Variants in TNS4 observed in about 807,000 individuals in gnomAD.
The protein encoded by TNS4 is tensin 4.
TNS4 carries 46 observed loss-of-function variants against 70.4 expected under a neutral mutation model. That is an observed-to-expected ratio of 0.65 (90% CI 0.52 to 0.84). The LOEUF is 0.84. TNS4 is among the 40% of genes least tolerant of loss of function. TNS4 has a pLI of 0.00. For missense variants in TNS4, 863 were observed against 907.0 expected (o/e 0.95, Z 0.62); for synonymous variants, 390 against 366.6 (o/e 1.06, Z -0.73).
At chr17:40,480,996 C>T (rs2035915316) in intron 8 of TNS4, 1 of 516,530 alleles carries the variant, frequency 1.9e-6, no homozygotes, top group Non-Finnish European at 3.4e-6. Context: ...CCCCTCCTCG[C>T]CCCCCCACCT....
intron 2 of TNS4, among the ~76,000 whole-genome samples, chr17:40,489,614 C>G (rs2036040165): frequency 6.6e-6 from 1 of 152,004 alleles, no homozygotes; most frequent in Non-Finnish European, 1.5e-5. Flanking sequence ...TCAAGACCAG[C>G]CTGGCCAACA....
chr17:40,481,387 T>C (rs2122614), intron 8 of TNS4, among the ~76,000 whole-genome samples: 97,438 of 151,848 alleles, frequency 0.64, 32,149 homozygotes, highest in African/African-American at 0.75. Flanking sequence ...GATGAAGTCT[T>C]GCTCTGTCGC....
chr17:40,487,336 T>G lies in TNS4; in HGVS notation c.988A>C (p.Ser330Arg), dbSNP rs372463206. 1 of 1,614,160 alleles carries G rather than the reference T, an allele frequency of 6.2e-7. No homozygotes were observed. The change falls in exon 4 of 13, where the codon AGT (serine) becomes CGT (arginine). Residue 330 changes from serine to arginine, a missense_variant. Coordinates refer to ENST00000254051, the MANE Select transcript of TNS4 (RefSeq NM_032865.6). ...GGGTTTCTGGGAGCCTGGAAGTCAC[T>G]GGGTCTTGTACACAGGGACACTGAG... ...LGSVSLCTRP[S>R]DFQAPRNPTL... is the part of the protein sequence containing the mutation.
In TNS4 at chr17:40,488,730, T is replaced by G; in HGVS notation, c.679A>C (p.Asn227His). The G allele has an allele frequency of 1.9e-6, 3 of 1,590,584 alleles. No homozygotes were observed. Among genetic ancestry groups the G allele is most frequent in the East Asian group, 4.5e-5 (2 of 44,450 alleles). The change falls in exon 3 of 13, where the codon AAT (asparagine) becomes CAT (histidine). Residue 227 changes from asparagine (N) to histidine (H), a missense_variant. Transcript: ENST00000254051. ...CAAGGGATTGAGATGCTGGGGGAAT[T>G]TGGGGGTCGAGGGGAGAGACCCTCT... ...PSEGLSPRPP[N>H]SPSISIPCMG...
chr17:40,489,486 T>C (rs1030925000), intron 2 of TNS4, among the ~76,000 whole-genome samples: 1 of 152,176 alleles, frequency 6.6e-6, no homozygotes, highest in East Asian at 1.9e-4. Flanking sequence ...CACTTTCTGA[T>C]GCCTCTGCTA....
chr17:40,496,088 T>G lies in TNS4; in HGVS notation c.338A>C (p.Asp113Ala), dbSNP rs1434229953. ...ESLNQMILEL[D>A]PTFQLLPPGT... ...TGGGGGAAGCAGCTGGAAGGTGGGGTCCAGTTCCAGGATCATCTGATTGAG... is the reference window on the plus strand; with the variant it reads ...TGGGGGAAGCAGCTGGAAGGTGGGGGCCAGTTCCAGGATCATCTGATTGAG... The change falls in exon 2 of 13, where the codon GAC (aspartate) becomes GCC (alanine). Residue 113 changes from aspartate to alanine, a missense_variant. Asp to Ala is a moderately radical substitution (Grantham distance 126, BLOSUM62 -2). Coordinates refer to ENST00000254051, the MANE Select transcript of TNS4 (RefSeq NM_032865.6). The G allele has an allele frequency of 3.1e-6, 5 of 1,612,662 alleles. No individual in the cohort carries two copies. The South Asian group carries it at 5.5e-5, about 18-fold the overall frequency.
chr17:40,494,008 T>C (rs1452441515), intron 2 of TNS4, among the ~76,000 whole-genome samples: 1 of 152,268 alleles, frequency 6.6e-6, no homozygotes, highest in Non-Finnish European at 1.5e-5. Flanking sequence ...AGGAAGACCC[T>C]TGACGGACAG....
chr17:40,496,345 G>C lies in TNS4; in HGVS notation c.81C>G (p.Thr27=), dbSNP rs747919569. ...SLAPCDEPRR[T]LHPAPSPSLP... is the part of the protein sequence containing the mutation. Reference sequence around the variant, plus strand: ...GGCTGGGGCTGGGTGCTGGGTGCAGGGTCCTCCTGGGCTCATCACAAGGCG... The same window carrying C: ...GGCTGGGGCTGGGTGCTGGGTGCAGCGTCCTCCTGGGCTCATCACAAGGCG... The change falls in exon 2 of 13, where the codon ACC becomes ACG. Residue 27 remains threonine (T), a synonymous_variant. Transcript: ENST00000254051. The C allele has an allele frequency of 1.4e-5, 23 of 1,613,546 alleles. No homozygotes were observed. The highest frequency in any genetic ancestry group is 1.9e-5 in the Non-Finnish European group (23 of 1,179,920).
At chr17:40,487,589 C>T (rs563166500) in intron 3 of TNS4, 129 bp from the exon 4 acceptor site, 1 of 909,384 alleles carries the variant, frequency 1.1e-6, no homozygotes, top group African/African-American at 1.7e-5. Context: ...ATACCCCACC[C>T]CCTACAGCCC....
chr17:40,491,218 T>C (rs1009543928), intron 2 of TNS4, among the ~76,000 whole-genome samples: 1 of 152,188 alleles, frequency 6.6e-6, no homozygotes. Context: ...AGGAGGAAAC[T>C]GAAGCTTGGA....
chr17:40,479,311 C>A lies in TNS4; in HGVS notation c.1910+363G>T, dbSNP rs543065082. Among the ~76,000 whole-genome samples, 5 of 152,272 alleles carry A rather than the reference C, an allele frequency of 3.3e-5. No homozygotes were observed. In the South Asian group the frequency reaches 1.0e-3, roughly 32 times the overall value. The stretch of plus-strand genomic sequence containing the variant: ...TACAGGTGCGTGCCACCATGCCCGG[C>A]TAATTTTGTATTTTTAGTAGAGACG... On this transcript the variant is annotated intron_variant, in intron 10 of 12. Transcript: ENST00000254051.
chr17:40,489,895 T>C (rs1901187), intron 2 of TNS4, among the ~76,000 whole-genome samples: 73,295 of 151,510 alleles, frequency 0.48, 18,756 homozygotes, highest in African/African-American at 0.66. Flanking sequence ...GGCTGCGCCT[T>C]GTGCCAATTA....
chr17:40,492,764 T>A (rs146413343), intron 2 of TNS4, among the ~76,000 whole-genome samples: 1 of 151,760 alleles, frequency 6.6e-6, no homozygotes, highest in East Asian at 1.9e-4. Flanking sequence ...TGGCAGGGCA[T>A]GGTGGCTCAT....
chr17:40,489,207 G>A (rs549980625), intron 2 of TNS4, among the ~76,000 whole-genome samples: 128 of 152,274 alleles, frequency 8.4e-4, no homozygotes, highest in Non-Finnish European at 8.5e-4. Flanking sequence ...GAATCAGACA[G>A]ACCCAGGCTT....
chr17:40,493,979 C>A (rs1296164289), intron 2 of TNS4, among the ~76,000 whole-genome samples: 1 of 152,276 alleles, frequency 6.6e-6, no homozygotes, highest in Non-Finnish European at 1.5e-5. Flanking sequence ...ATGCCCATGA[C>A]TGACTGGCCT....
At chr17:40,488,028 T>C (rs552556758) in intron 3 of TNS4, among the ~76,000 whole-genome samples, 237 of 152,364 alleles carry the variant, frequency 1.6e-3, no homozygotes, top group African/African-American at 5.4e-3. Context: ...CAGAGTCCTG[T>C]GGTTCGGTCT....
chr17:40,488,534 T>C lies in TNS4; in HGVS notation c.863+12A>G. Reference sequence around the variant, plus strand: ...TGTGTGTGTGTGCAATGTTAGAAGCTACAGAACCTACCTTCCAAACATATA... The same window carrying C: ...TGTGTGTGTGTGCAATGTTAGAAGCCACAGAACCTACCTTCCAAACATATA... On this transcript the variant is annotated intron_variant, in intron 3 of 12. Coordinates refer to ENST00000254051, the MANE Select transcript of TNS4 (RefSeq NM_032865.6). The C allele has an allele frequency of 6.7e-7, 1 of 1,503,334 alleles. No individual in the cohort carries two copies. Among genetic ancestry groups the C allele is most frequent in the Non-Finnish European group, 8.9e-7 (1 of 1,125,838 alleles). 93.1% of individuals were successfully genotyped at this position (1,503,334 alleles called of 1,614,324 possible).
Position 40,478,635 on chromosome 17 carries a change from G to A in TNS4, c.1924C>T (p.Arg642Cys), listed in dbSNP as rs148022611. The change falls in exon 11 of 13, where the codon CGC (arginine) becomes TGC (cysteine). Residue 642 changes from arginine to cysteine, a missense_variant. Physicochemically the swap from Arg to Cys is radical, Grantham distance 180. Transcript: ENST00000254051. ...TDVQRKVFFR[R>C]HYPLTTLRFC... The stretch of plus-strand genomic sequence containing the variant: ...CGGAGGGTGGTGAGTGGGTAATGGC[G>A]CCGGAAAAACACCCTAGGAGGAGGC... 1.6e-4 allele frequency: 251 copies of A among 1,614,130 alleles called. No homozygotes were observed. Among genetic ancestry groups the A allele is most frequent in the East Asian group, 8.0e-4 (36 of 44,882 alleles).
At chr17:40,486,593 C>G (rs1044826817) in intron 4 of TNS4, among the ~76,000 whole-genome samples, 1 of 149,910 alleles carries the variant, frequency 6.7e-6, no homozygotes, top group Non-Finnish European at 1.5e-5. Flanking sequence ...TCAAATTACT[C>G]TCAATGACTT....
Sources: gnomAD v4.1 joint callset for allele counts (sites outside exome capture counted in the v4.1 genomes callset) on GRCh38, gnomAD v4.1.1 for gene constraint, MANE v1.5 for transcripts, NCBI Gene and HGNC (gene_info 2026-07-23, HGNC 2026-07-21) for gene names.